RIN3: variants seen among roughly 807,000 people sequenced by gnomAD.
RIN3 encodes the protein RAB5 interacting protein 3.
RIN3 carries 54 observed loss-of-function variants against 76.3 expected under a neutral mutation model. The ratio of observed to expected loss-of-function variants is 0.71; its 90% confidence interval spans 0.57 to 0.89. RIN3 has a LOEUF of 0.89. Among genes scored for constraint, RIN3 ranks in the 40% least tolerant of loss-of-function variants. The pLI is 0.00. For synonymous variants in RIN3, 576 were observed against 564.0 expected, an observed-to-expected ratio of 1.02 and a Z score of -0.30; for missense variants, 1,256 against 1,322.1, an observed-to-expected ratio of 0.95 and a Z score of 0.78.
In RIN3 at chr14:92,566,855, C is replaced by T. The variant is rs535752102; in HGVS notation, c.250-10505C>T. ...TTTCCCGTCTCCTTACCAACCTGCA[C>T]CTCACACTATTTTCTCATCTGCATG... is the stretch of plus-strand genomic sequence containing the variant. On this transcript the variant is annotated intron_variant, in intron 2 of 9. Coordinates refer to ENST00000216487, the MANE Select transcript of RIN3 (RefSeq NM_024832.5). Among the ~76,000 whole-genome samples the T allele has an allele frequency of 2.0e-5, 3 of 152,294 alleles. No homozygotes were observed. The South Asian group carries it at 6.2e-4, about 32-fold the overall frequency.
intron 2 of RIN3, among the ~76,000 whole-genome samples, chr14:92,573,867 A>G (rs1270487285): frequency 6.6e-6 from 1 of 152,170 alleles, no homozygotes; most frequent in Non-Finnish European, 1.5e-5. Flanking sequence ...TGTTAGTTCA[A>G]TTTCAGGTGA....
rs1885903257 is a variant in RIN3 at position 92,615,110 on chromosome 14, G to A, written c.368-297G>A. ...CCCATCTCAGCCTCCCAAAGTGCTG[G>A]GATTACAAGCATGAGCCACTGTACC... On this transcript the variant is annotated intron_variant, in intron 3 of 9. Coordinates refer to ENST00000216487, the MANE Select transcript of RIN3 (RefSeq NM_024832.5). 2.0e-5 allele frequency among the ~76,000 whole-genome samples: 3 copies of A among 151,954 alleles called. No individual in the cohort carries two copies. In the South Asian group the frequency reaches 6.2e-4, roughly 32 times the overall value.
chr14:92,583,348 T>C (rs992190071), intron 3 of RIN3, among the ~76,000 whole-genome samples: 1 of 152,258 alleles, frequency 6.6e-6, no homozygotes, highest in African/African-American at 2.4e-5. Flanking sequence ...TGTGCCTGGA[T>C]TGTCCTCTAG....
At chr14:92,635,875 G>A (rs1886757114) in intron 4 of RIN3, among the ~76,000 whole-genome samples, 1 of 152,134 alleles carries the variant, frequency 6.6e-6, no homozygotes, top group Non-Finnish European at 1.5e-5. Flanking sequence ...AGGAATACTA[G>A]TTTGAGGGCA....
chr14:92,637,328 C>G (rs1425908569), intron 4 of RIN3, among the ~76,000 whole-genome samples: 1 of 152,044 alleles, frequency 6.6e-6, no homozygotes, highest in African/African-American at 2.4e-5. Context: ...ACATAGTTCA[C>G]AGCAGGGTTC....
chr14:92,652,865 G>A lies in RIN3; in HGVS notation c.1816G>A (p.Val606Met), dbSNP rs1459588056. ...CAACCGCAAGCTGTACAAGAAGGTG[G>A]TGGAGCTGGCGCAGGACAAGGGCTC... ...SNNRKLYKKV[V>M]ELAQDKGSYF... Residue 606 changes from valine to methionine, a missense_variant, in exon 6 of 10, where the codon GTG (valine) becomes ATG (methionine). Physicochemically the swap from Val to Met is conservative, Grantham distance 21. Coordinates refer to ENST00000216487, the MANE Select transcript of RIN3 (RefSeq NM_024832.5). The surrounding 1 kb of genome is among the most constrained non-coding windows in gnomAD (Gnocchi z 6.4). The A allele has an allele frequency of 6.2e-7, 1 of 1,614,012 alleles. No homozygotes were observed. Among genetic ancestry groups the A allele is most frequent in the East Asian group, 2.2e-5 (1 of 44,900 alleles).
At chr14:92,522,488 C>T (rs1046510252) in intron 1 of RIN3, among the ~76,000 whole-genome samples, 2 of 152,180 alleles carry the variant, frequency 1.3e-5, no homozygotes, top group Non-Finnish European at 2.9e-5. Flanking sequence ...CTGAGTGTTA[C>T]CTCTGGTACA....
intron 7 of RIN3, among the ~76,000 whole-genome samples, chr14:92,675,938 AG>A (rs895436314): frequency 6.6e-6 from 1 of 152,094 alleles, no homozygotes; most frequent in Admixed American, 6.6e-5. Flanking sequence ...TGATACTTCG[AG>A]GGGTCTTTAC....
In RIN3 at chr14:92,685,196, C is replaced by T; in HGVS notation, c.2631+46C>T. ...GGGCCCGGTGGGGCCATGTCCCAGA[C>T]ACCATCCCTGCTGCCTGCTGGCTAA... On this transcript the variant is annotated intron_variant, in intron 9 of 9. Transcript: ENST00000216487. The surrounding 1 kb of genome is among the most constrained non-coding windows in gnomAD (Gnocchi z 4.7). 6.5e-7 allele frequency: 1 copy of T among 1,530,100 alleles called. No homozygotes were observed. Among genetic ancestry groups the T allele is most frequent in the Non-Finnish European group, 8.8e-7 (1 of 1,130,010 alleles). 94.8% of individuals were successfully genotyped at this position (1,530,100 alleles called of 1,614,324 possible).
At chr14:92,519,678 C>A (rs975864140) in intron 1 of RIN3, among the ~76,000 whole-genome samples, 2 of 152,216 alleles carry the variant, frequency 1.3e-5, no homozygotes, top group African/African-American at 4.8e-5. Flanking sequence ...GGTCTCCCTG[C>A]CCAGGGCTGC....
chr14:92,638,222 T>C (rs1886846056), intron 4 of RIN3, among the ~76,000 whole-genome samples: 1 of 152,132 alleles, frequency 6.6e-6, no homozygotes, highest in South Asian at 2.1e-4. Context: ...TAAGTAGATG[T>C]AGGTGCTGGG....
chr14:92,641,427 G>A (rs924842848), intron 5 of RIN3, 98 bp downstream of exon 5: 2 of 860,396 alleles, frequency 2.3e-6, no homozygotes, highest in Non-Finnish European at 3.8e-6. Context: ...GACAGCCTGA[G>A]TCCCAGCTCC....
intron 3 of RIN3, among the ~76,000 whole-genome samples, chr14:92,598,895 T>C (rs2140085719): frequency 1.3e-5 from 2 of 152,230 alleles, no homozygotes; most frequent in East Asian, 3.9e-4. Context: ...CACTGACTGG[T>C]GAGTGAGACC....
chr14:92,574,525 A>G (rs985651731), intron 2 of RIN3, among the ~76,000 whole-genome samples: 2 of 152,046 alleles, frequency 1.3e-5, no homozygotes, highest in Non-Finnish European at 2.9e-5. Flanking sequence ...TTGCTTGTCT[A>G]TGTTTGCCGC....
intron 1 of RIN3, among the ~76,000 whole-genome samples, chr14:92,526,785 T>A (rs1896745219): frequency 6.6e-6 from 1 of 152,182 alleles, no homozygotes. Flanking sequence ...TGTCTCAGTG[T>A]CCTGGGACTA....
intron 1 of RIN3, among the ~76,000 whole-genome samples, chr14:92,520,116 C>G (rs970711707): frequency 3.9e-5 from 6 of 152,230 alleles, no homozygotes; most frequent in African/African-American, 1.2e-4. Flanking sequence ...CAGGGGTGCC[C>G]CCACCTCAAC....
chr14:92,533,275 A>G (rs59037914), intron 1 of RIN3, among the ~76,000 whole-genome samples: 15,074 of 152,282 alleles, frequency 0.099, 2,446 homozygotes, highest in African/African-American at 0.34. Context: ...ATGTGTCAGT[A>G]GCACAACCAT....
chr14:92,539,469 G>A (rs1376529481), intron 1 of RIN3, among the ~76,000 whole-genome samples: 7 of 152,150 alleles, frequency 4.6e-5, no homozygotes, highest in Admixed American at 2.6e-4. Flanking sequence ...GTGAAGCCAC[G>A]GACCTGGGAT....
intron 3 of RIN3, among the ~76,000 whole-genome samples, chr14:92,595,601 G>C (rs948738910): frequency 3.3e-5 from 5 of 152,188 alleles, no homozygotes; most frequent in Admixed American, 3.3e-4. Flanking sequence ...TTAGAGCCAA[G>C]GTGAGCTTGT....
Sources: gnomAD v4.1 joint callset for allele counts (sites outside exome capture counted in the v4.1 genomes callset) on GRCh38, gnomAD v4.1.1 for gene constraint, Gnocchi (gnomAD v3.1) non-coding constraint, MANE v1.5 for transcripts, NCBI Gene and HGNC (gene_info 2026-07-23, HGNC 2026-07-21) for gene names.